IPO4: variants seen among roughly 807,000 people sequenced by gnomAD.
IPO4 encodes importin-4.
In IPO4, 91 loss-of-function variants were observed where a neutral mutation model predicts 133.5. That is an observed-to-expected ratio of 0.68 (90% CI 0.58 to 0.81). The LOEUF (loss-of-function observed/expected upper bound fraction) is 0.81. IPO4 is among the 30% of genes least tolerant of loss of function. IPO4 has a pLI of 0.00. For missense variants in IPO4, 1,279 were observed against 1,386.2 expected (o/e 0.92, Z 1.23); for synonymous variants, 607 against 581.6 (o/e 1.04, Z -0.63).
At chr14:24,182,681 CT>C in intron 24 of IPO4, 110 bp downstream of exon 24, 1 of 1,239,316 alleles carries the variant, frequency 8.1e-7, no homozygotes, top group South Asian at 1.2e-5. Flanking sequence ...CATTACCAGT[CT>C]CTTTTAGTGG....
In IPO4 at chr14:24,180,459, C is replaced by T. The variant is rs370925111; in HGVS notation, c.3229G>A (p.Val1077Ile). The change falls in exon 30 of 30, where the codon GTA (valine) becomes ATA (isoleucine). Residue 1077 changes from valine (V) to isoleucine (I), a missense_variant. Val to Ile is a conservative substitution (Grantham distance 29). This residue lies in a region of IPO4 where 575 missense variants were observed against 653.4 expected (regional missense o/e 0.88). Transcript: ENST00000354464. ...CCTGCAGTCTAGGAGAGGCCCAGTA[C>T]AGCCTGGAGCTCCTGAGCCTTGTCA... ...PVDKAQELQA[V>I]LGLS The T allele has an allele frequency of 9.1e-5, 147 of 1,611,950 alleles. No homozygotes were observed. The highest frequency in any genetic ancestry group is 3.3e-4 in the Middle Eastern group (2 of 6,078).
At chr14:24,185,758 G>A (rs2039210961) in intron 12 of IPO4, 103 bp downstream of exon 12, 2 of 1,021,536 alleles carry the variant, frequency 2.0e-6, no homozygotes, top group Admixed American at 1.9e-5. Flanking sequence ...TTGATAATGG[G>A]GGGAAACGCT....
Position 24,185,300 on chromosome 14 carries a change from T to G in IPO4, c.1291A>C (p.Ser431Arg). 1 of 1,614,092 alleles carries G rather than the reference T, an allele frequency of 6.2e-7. No homozygotes were observed. The highest frequency in any genetic ancestry group is 8.5e-7 in the Non-Finnish European group (1 of 1,179,994). The change falls in exon 14 of 30, where the codon AGC becomes CGC. Residue 431 changes from serine (S) to arginine (R), a missense_variant. Transcript: ENST00000354464. ...FSENLQPHIS[S>R]YSREVMPLLL... ...AGTGGCATTACCTCCCTTGAATAGC[T>G]GCTGATATGGGGCTGGGGGAGGGAG...
chr14:24,188,135 A>G, intron 4 of IPO4, 81 bp downstream of exon 4: 1 of 1,433,548 alleles, frequency 7.0e-7, no homozygotes, highest in African/African-American at 1.4e-5. Context: ...CTGCCCCACA[A>G]GTCCCAGCCT....
At chr14:24,186,529 G>A (rs1382219845) in intron 9 of IPO4, 78 bp from the exon 10 acceptor site, 3 of 1,488,254 alleles carry the variant, frequency 2.0e-6, no homozygotes, top group Non-Finnish European at 9.1e-7. Flanking sequence ...CAGTCTTCCA[G>A]GCCATAAGGG....
rs1453580377 is a variant in IPO4, at chr14:24,180,771, A to T, written c.3046-13T>A. ...CCACATCTATAACCTGTGAGGAAAG[A>T]GTGGCTGACTCAGGGCAGCAGCCCC... On this transcript the variant is annotated splice_polypyrimidine_tract_variant and intron_variant, in intron 28 of 29. Coordinates refer to ENST00000354464, the MANE Select transcript of IPO4 (RefSeq NM_024658.4). The T allele has an allele frequency of 6.2e-7, 1 of 1,612,890 alleles. No homozygotes were observed. The highest frequency in any genetic ancestry group is 1.3e-5 in the African/African-American group (1 of 75,032).
intron 4 of IPO4, 97 bp from the exon 5 acceptor site, chr14:24,187,893 G>A (rs543434997): frequency 1.9e-5 from 29 of 1,494,998 alleles, no homozygotes; most frequent in Non-Finnish European, 2.4e-5. Flanking sequence ...AAACTTTCAG[G>A]AGGTGTGGGC....
rs768754715 is a variant in IPO4, at chr14:24,185,487, G to A, written c.1250C>T (p.Ala417Val). The change falls in exon 13 of 30, where the codon GCC (alanine) becomes GTC (valine). Residue 417 changes from alanine (A) to valine (V), a missense_variant. Ala to Val is a moderately conservative substitution (Grantham distance 64). Around this residue, in one of 3 missense-constraint regions of IPO4, gnomAD observed 695 missense variants for 704.1 expected, o/e 0.99. Transcript: ENST00000354464. ...TAGGTTTTCTGAGAACTGGCCCAGG[G>A]CAAACAGCGCAGCATTGCGTACAAC... Reference protein sequence around the residue: ...SQVVRNAALFALGQFSENLQP... With the variant: ...SQVVRNAALFVLGQFSENLQP... 10 of 1,614,058 alleles carry A rather than the reference G, an allele frequency of 6.2e-6. No individual in the cohort carries two copies. The highest frequency in any genetic ancestry group is 1.3e-5 in the African/African-American group (1 of 74,938).
At chr14:24,182,679 G>A (rs2039159374) in intron 24 of IPO4, 113 bp downstream of exon 24, 1 of 1,220,478 alleles carries the variant, frequency 8.2e-7, no homozygotes, top group Non-Finnish European at 1.2e-6. Context: ...GCCATTACCA[G>A]TCTCTTTTAG....
chr14:24,182,894 T>C (rs766806825), intron 23 of IPO4, 52 bp from the exon 24 acceptor site: 12 of 1,549,474 alleles, frequency 7.7e-6, no homozygotes, highest in Non-Finnish European at 1.0e-5. Flanking sequence ...TCTCTTTTCA[T>C]GGGGGTAGGG....
rs771481944 is a variant in IPO4, at chr14:24,187,099, T to G, written c.640A>C (p.Ile214Leu). Residue 214 changes from isoleucine (I) to leucine (L), a missense_variant, in exon 7 of 30, where the codon ATC becomes CTC. Physicochemically the swap from Ile to Leu is conservative, Grantham distance 5. Coordinates refer to ENST00000354464, the MANE Select transcript of IPO4 (RefSeq NM_024658.4). ...CCTGTCCTCACCTCATCTATGGGGA[T>G]CAGAGTCTGCATGGCCATGATCAGC... ...PKLIMAMQTL[I>L]PIDEAKACEA... is the part of the protein sequence containing the mutation. 1.2e-6 allele frequency: 2 copies of G among 1,614,030 alleles called. No individual in the cohort carries two copies. The highest frequency in any genetic ancestry group is 1.7e-6 in the Non-Finnish European group (2 of 1,179,942).
At chr14:24,184,145 G>C (rs778236094) in intron 17 of IPO4, 36 bp from the exon 18 acceptor site, 2 of 1,596,334 alleles carry the variant, frequency 1.3e-6, no homozygotes, top group Non-Finnish European at 1.7e-6. Flanking sequence ...GTAAGGTCCT[G>C]CCTGCTACCA....
At position 24,180,759 on chromosome 14, in the gene IPO4, C is replaced by A; in HGVS notation, c.3046-1G>T. 6.2e-7 allele frequency: 1 copy of A among 1,613,646 alleles called. No individual in the cohort carries two copies. The highest frequency in any genetic ancestry group is 1.1e-5 in the South Asian group (1 of 91,042). Reference sequence around the variant, plus strand: ...GAAGCTCGGGAGCCACATCTATAACCTGTGAGGAAAGAGTGGCTGACTCAG... The same window carrying A: ...GAAGCTCGGGAGCCACATCTATAACATGTGAGGAAAGAGTGGCTGACTCAG... On this transcript the variant is annotated splice_acceptor_variant, in intron 28 of 29. Coordinates refer to ENST00000354464, the MANE Select transcript of IPO4 (RefSeq NM_024658.4). LOFTEE classifies it high-confidence loss of function.
Position 24,188,773 on chromosome 14 carries a change from C to T in IPO4, c.15G>A (p.Gly5=). The change falls in exon 1 of 30, where the codon GGG becomes GGA. Residue 5 remains glycine, a synonymous_variant. Transcript: ENST00000354464. MESA[G]LEQLLRELLL... is the part of the protein sequence containing the mutation. ...GCAGCTCCCGTAGGAGCTGCTCTAGCCCGGCTGACTCCATGGCAGCAACTG... is the reference window on the plus strand; with the variant it reads ...GCAGCTCCCGTAGGAGCTGCTCTAGTCCGGCTGACTCCATGGCAGCAACTG... The T allele has an allele frequency of 6.6e-7, 1 of 1,514,974 alleles. No individual in the cohort carries two copies. Among genetic ancestry groups the T allele is most frequent in the African/African-American group, 1.4e-5 (1 of 71,740 alleles). The allele number at this position is 1,514,974 out of a possible 1,614,324, so 93.8% of individuals were successfully genotyped here.
rs763494898 is a variant in IPO4, at chr14:24,182,391, C to T, written c.2485G>A (p.Ala829Thr). 35 of 1,611,316 alleles carry T rather than the reference C, an allele frequency of 2.2e-5. No individual in the cohort carries two copies. The East Asian group carries it at 3.6e-4, about 16-fold the overall frequency. ...EEDDDQAEYD[A>T]MLLEHAGEAI... Reference sequence around the variant, plus strand: ...TCTCCAGCGTGCTCCAGCAACATGGCGTCGTATTCAGCCTGTGGAGCCAGG... The same window carrying T: ...TCTCCAGCGTGCTCCAGCAACATGGTGTCGTATTCAGCCTGTGGAGCCAGG... The change falls in exon 25 of 30, where the codon GCC becomes ACC. Residue 829 changes from alanine to threonine, a missense_variant. Physicochemically the swap from Ala to Thr is moderately conservative, Grantham distance 58. Around this residue, in one of 3 missense-constraint regions of IPO4, gnomAD observed 575 missense variants for 653.4 expected, o/e 0.88. Coordinates refer to ENST00000354464, the MANE Select transcript of IPO4 (RefSeq NM_024658.4).
rs753322105 is a variant in IPO4 at position 24,184,127 on chromosome 14, A to G, written c.1758-18T>C. 1.9e-5 allele frequency: 31 copies of G among 1,605,916 alleles called. No individual in the cohort carries two copies. Among genetic ancestry groups the G allele is most frequent in the Non-Finnish European group, 2.6e-5 (31 of 1,174,870 alleles). ...GGCTGTACCTGGTCAAAGCAGGCAG[A>G]AGAAGCTGTAAGGTCCTGCCTGCTA... is the stretch of plus-strand genomic sequence containing the variant. On this transcript the variant is annotated intron_variant, in intron 17 of 29. Coordinates refer to ENST00000354464, the MANE Select transcript of IPO4 (RefSeq NM_024658.4).
chr14:24,186,690 C>A lies in IPO4; in HGVS notation c.840+18G>T. 1 of 1,608,328 alleles carries A rather than the reference C, an allele frequency of 6.2e-7. No individual in the cohort carries two copies. Among genetic ancestry groups the A allele is most frequent in the South Asian group, 1.1e-5 (1 of 90,900 alleles). On this transcript the variant is annotated intron_variant, in intron 9 of 29. Coordinates refer to ENST00000354464, the MANE Select transcript of IPO4 (RefSeq NM_024658.4). ...GAGATGGGGGTGGGGTGATGTGTGT[C>A]AATGGGCACTCACTTACCTTGCTCT...
intron 18 of IPO4, 34 bp from the exon 19 acceptor site, chr14:24,183,932 G>T: frequency 6.2e-7 from 1 of 1,613,676 alleles, no homozygotes. Flanking sequence ...CTTTGGCTCA[G>T]CTGGGCCCAG....
rs1485865177 is a variant in IPO4, at chr14:24,187,400, C to T, written c.588G>A (p.Val196=). The change falls in exon 6 of 30, where the codon GTG becomes GTA. Residue 196 remains valine, a splice_region_variant and synonymous_variant. Transcript: ENST00000354464. The stretch of plus-strand genomic sequence containing the variant: ...AAGATAACGAGGGCCCACATCTCAC[C>T]ACATCTTCAGTGCTGAGGTAGGGAG... The part of the protein sequence containing the change: ...TMAPYLSTED[V]PLARMLVPKL... 2 of 1,614,024 alleles carry T rather than the reference C, an allele frequency of 1.2e-6. No individual in the cohort carries two copies. The highest frequency in any genetic ancestry group is 1.7e-6 in the Non-Finnish European group (2 of 1,179,952).
Sources: allele counts gnomAD v4.1 joint callset, GRCh38; gene constraint gnomAD v4.1.1; regional missense constraint gnomAD v4.1.1; transcripts MANE v1.5; gene names NCBI Gene and HGNC (gene_info 2026-07-23, HGNC 2026-07-21).